MPP7: variants seen among roughly 807,000 people sequenced by gnomAD.
MPP7 encodes MAGUK p55 subfamily member 7.
Under a neutral mutation model 76.5 loss-of-function variants are expected in MPP7, and 60 were observed. The observed-to-expected ratio is 0.78, with a 90% CI of 0.64 to 0.97. The LOEUF is 0.97. MPP7 is among the 50% of genes least tolerant of loss of function. The probability of loss-of-function intolerance (pLI) is 0.00; values close to 1 mark genes in which losing one functional copy is unlikely to be tolerated. For synonymous variants in MPP7, 237 were observed against 244.5 expected (o/e 0.97, Z 0.29); for missense variants, 641 against 694.0 (o/e 0.92, Z 0.86).
intron 2 of MPP7, among the ~76,000 whole-genome samples, chr10:28,205,181 A>G (rs1837911558): frequency 6.6e-6 from 1 of 152,126 alleles, no homozygotes; most frequent in African/African-American, 2.4e-5. Context: ...GAAATTAAAG[A>G]CATGATTAAA....
intron 3 of MPP7, among the ~76,000 whole-genome samples, chr10:28,170,066 T>G (rs1350497390): frequency 2.0e-5 from 3 of 152,206 alleles, no homozygotes; most frequent in Non-Finnish European, 4.4e-5. Context: ...TCAGTAGATA[T>G]CCATAAGTTT....
At chr10:28,236,542 ACT>A (rs1839079774) in intron 2 of MPP7, 1 of 151,800 alleles carries the variant, frequency 6.6e-6, no homozygotes, top group South Asian at 2.1e-4. Flanking sequence ...TGCACAGGAA[ACT>A]CTTACAGGCT....
At chr10:28,119,464 C>G (rs1190327869) in intron 11 of MPP7, among the ~76,000 whole-genome samples, 187 bp downstream of exon 11, 2 of 152,060 alleles carry the variant, frequency 1.3e-5, no homozygotes, top group Non-Finnish European at 1.5e-5. Flanking sequence ...CTCAACCACC[C>G]CTTTCCTCAA....
chr10:28,139,666 T>G (rs1462367677), intron 5 of MPP7, among the ~76,000 whole-genome samples: 1 of 152,218 alleles, frequency 6.6e-6, no homozygotes, highest in African/African-American at 2.4e-5. Flanking sequence ...ATTAAAGAGA[T>G]AATACATGAA....
chr10:28,126,590 A>G (rs902081018), intron 6 of MPP7, among the ~76,000 whole-genome samples: 5 of 152,192 alleles, frequency 3.3e-5, no homozygotes, highest in African/African-American at 9.7e-5. Context: ...ATCATCCAAT[A>G]CTGCTTAACC....
chr10:28,163,881 A>T (rs553602296), intron 3 of MPP7, among the ~76,000 whole-genome samples: 54 of 146,994 alleles, frequency 3.7e-4, no homozygotes, highest in African/African-American at 1.4e-3. Context: ...ACTGCACTCC[A>T]GCCTGGGTGA....
intron 2 of MPP7, among the ~76,000 whole-genome samples, chr10:28,211,834 G>A (rs1205330509): frequency 6.6e-6 from 1 of 152,044 alleles, no homozygotes; most frequent in Non-Finnish European, 1.5e-5. Context: ...AAGGATATGG[G>A]AGCCCAGATC....
At chr10:28,303,711 G>C (rs1055579859), upstream of MPP7, among the ~76,000 whole-genome samples, 8 of 152,224 alleles carry the variant, frequency 5.3e-5, no homozygotes, top group Admixed American at 3.3e-4. Flanking sequence ...GAATGGTAAA[G>C]ACAAACTTTA....
intron 13 of MPP7, among the ~76,000 whole-genome samples, chr10:28,061,189 A>G (rs1473039197): frequency 2.6e-5 from 4 of 152,094 alleles, no homozygotes; most frequent in Admixed American, 2.0e-4. Context: ...CAAAAAAAAC[A>G]CCAATTTTCA....
chr10:28,082,661 G>A (rs1852819022), intron 12 of MPP7, among the ~76,000 whole-genome samples: 1 of 152,052 alleles, frequency 6.6e-6, no homozygotes, highest in Non-Finnish European at 1.5e-5. Flanking sequence ...TAAAGATGGA[G>A]TCTCACTATG....
chr10:28,316,951 T>C (rs924717624), intron 2 of MPP7, among the ~76,000 whole-genome samples: 5 of 152,196 alleles, frequency 3.3e-5, no homozygotes. Flanking sequence ...CTGTGAGTCC[T>C]GGTCAGGGTT....
chr10:28,295,285 A>G (rs537106918), intron 1 of MPP7, among the ~76,000 whole-genome samples: 1 of 152,214 alleles, frequency 6.6e-6, no homozygotes, highest in African/African-American at 2.4e-5. Context: ...TCATTTCCTC[A>G]CTGCTCAACT....
At chr10:28,299,506 A>T (rs1026111859) in intron 1 of MPP7, among the ~76,000 whole-genome samples, 4 of 152,204 alleles carry the variant, frequency 2.6e-5, no homozygotes, top group Non-Finnish European at 2.9e-5. Flanking sequence ...CTGACCAGAG[A>T]TCACCATAAC....
At chr10:28,162,588 G>A (rs1039153489) in intron 3 of MPP7, among the ~76,000 whole-genome samples, 5 of 152,156 alleles carry the variant, frequency 3.3e-5, no homozygotes, top group Admixed American at 1.3e-4. Context: ...AAACAGTGGG[G>A]AGCAGGTTAT....
intron 1 of MPP7, among the ~76,000 whole-genome samples, chr10:28,255,806 G>A (rs1839766486): frequency 6.6e-6 from 1 of 152,140 alleles, no homozygotes; most frequent in African/African-American, 2.4e-5. Flanking sequence ...ATACCTATGA[G>A]GATCCAGGAG....
At chr10:28,315,390 GA>G (rs756826684) in intron 2 of MPP7, among the ~76,000 whole-genome samples, 31 of 151,400 alleles carry the variant, frequency 2.0e-4, no homozygotes, top group Non-Finnish European at 4.0e-4. Context: ...GGGAGGGAGG[GA>G]AGGTTGACCC....
At chr10:28,197,079 G>A (rs1279329353) in intron 3 of MPP7, among the ~76,000 whole-genome samples, 1 of 151,804 alleles carries the variant, frequency 6.6e-6, no homozygotes, top group African/African-American at 2.4e-5. Context: ...AATCCTAAAG[G>A]TGGATTGTTC....
chr10:28,069,545 A>G (rs1852127281), intron 13 of MPP7, among the ~76,000 whole-genome samples: 1 of 151,506 alleles, frequency 6.6e-6, no homozygotes, highest in African/African-American at 2.4e-5. Flanking sequence ...CAGAGGTTGC[A>G]GTGAGCTGAG....
At chr10:28,125,393 C>A (rs1269586823) in intron 6 of MPP7, among the ~76,000 whole-genome samples, 2 of 152,006 alleles carry the variant, frequency 1.3e-5, no homozygotes, top group Non-Finnish European at 2.9e-5. Context: ...TATAAAAATA[C>A]CTTGTATTTC....
Sources: gnomAD v4.1 joint callset for allele counts (sites outside exome capture counted in the v4.1 genomes callset) on GRCh38, gnomAD v4.1.1 for gene constraint, MANE v1.5 for transcripts, NCBI Gene and HGNC (gene_info 2026-07-23, HGNC 2026-07-21) for gene names.